Variants in PRKCE observed in about 807,000 individuals in gnomAD.
PRKCE encodes the protein protein kinase C epsilon type.
In PRKCE, 16 loss-of-function variants were observed where a neutral mutation model predicts 85.4. The observed-to-expected ratio is 0.19, with a 90% CI of 0.13 to 0.28. The LOEUF (loss-of-function observed/expected upper bound fraction) is 0.28. Ranked by LOEUF, PRKCE falls within the 10% of genes least tolerant of loss-of-function variation. The pLI, the probability that PRKCE is intolerant of heterozygous loss-of-function variation, is 1.00. For synonymous variants in PRKCE, 388 were observed against 371.5 expected, an observed-to-expected ratio of 1.04 and a Z score of -0.51; for missense variants, 573 against 975.2, an observed-to-expected ratio of 0.59 and a Z score of 5.49.
chr2:45,869,799 C>G (rs1419625455), intron 2 of PRKCE, among the ~76,000 whole-genome samples: 1 of 150,358 alleles, frequency 6.7e-6, no homozygotes, highest in African/African-American at 2.4e-5. Context: ...CGTCCACCTC[C>G]TGGGTTCAAG....
chr2:45,888,796 A>G (rs553623464), intron 2 of PRKCE, among the ~76,000 whole-genome samples: 1 of 152,302 alleles, frequency 6.6e-6, no homozygotes, highest in South Asian at 2.1e-4. Context: ...CTGTGGAGAA[A>G]AGGCTTGTCT....
intron 1 of PRKCE, among the ~76,000 whole-genome samples, chr2:45,655,536 G>A (rs1186442369): frequency 1.3e-5 from 2 of 152,266 alleles, no homozygotes; most frequent in South Asian, 2.1e-4. Context: ...GTTTAAAAAG[G>A]GAGTGTGGGC....
intron 2 of PRKCE, among the ~76,000 whole-genome samples, chr2:45,866,534 C>G (rs1693628605): frequency 1.3e-5 from 2 of 151,862 alleles, no homozygotes; most frequent in East Asian, 3.9e-4. Flanking sequence ...GTCTTGATCT[C>G]CAGACCTCGT....
chr2:46,093,591 C>T (rs1181169207), intron 11 of PRKCE, among the ~76,000 whole-genome samples: 2 of 150,032 alleles, frequency 1.3e-5, no homozygotes, highest in South Asian at 2.1e-4. Context: ...TGCAGTGTTA[C>T]AATGATAGCT....
chr2:45,770,230 T>G (rs1482319623), intron 1 of PRKCE, among the ~76,000 whole-genome samples: 1 of 152,142 alleles, frequency 6.6e-6, no homozygotes, highest in Non-Finnish European at 1.5e-5. Flanking sequence ...TGCTCTGCCC[T>G]AGGGTCAAAT....
intron 1 of PRKCE, among the ~76,000 whole-genome samples, chr2:45,795,157 C>A (rs1687334174): frequency 6.6e-6 from 1 of 152,186 alleles, no homozygotes; most frequent in East Asian, 1.9e-4. Flanking sequence ...AGGGCCCCAG[C>A]CTCACAGTTT....
intron 1 of PRKCE, among the ~76,000 whole-genome samples, chr2:45,809,067 A>T (rs946861433): frequency 4.6e-5 from 7 of 152,046 alleles, no homozygotes; most frequent in Non-Finnish European, 2.9e-5. Context: ...GCCGGTGAGG[A>T]AGCTCACTGA....
At chr2:45,947,153 G>C (rs1333622769) in intron 2 of PRKCE, among the ~76,000 whole-genome samples, 1 of 152,212 alleles carries the variant, frequency 6.6e-6, no homozygotes, top group Non-Finnish European at 1.5e-5. Context: ...AAGAAATGAA[G>C]TCTGAGACAT....
At chr2:45,729,872 G>A (rs1573097757) in intron 1 of PRKCE, among the ~76,000 whole-genome samples, 1 of 152,176 alleles carries the variant, frequency 6.6e-6, no homozygotes, top group Admixed American at 6.5e-5. Flanking sequence ...CTCAAAGCCT[G>A]GAGTGCAGTT....
At chr2:45,951,853 G>C (rs188474921) in intron 2 of PRKCE, among the ~76,000 whole-genome samples, 5 of 152,304 alleles carry the variant, frequency 3.3e-5, no homozygotes, top group Non-Finnish European at 5.9e-5. Context: ...TGTTTTTTGA[G>C]ACGGAGTCTT....
chr2:45,705,689 C>A (rs749037642), intron 1 of PRKCE, among the ~76,000 whole-genome samples: 3 of 152,186 alleles, frequency 2.0e-5, no homozygotes, highest in Non-Finnish European at 4.4e-5. Context: ...TATAATTATT[C>A]TTCTCAGCTG....
intron 10 of PRKCE, among the ~76,000 whole-genome samples, chr2:46,027,083 C>T (rs568588901): frequency 1.2e-3 from 180 of 152,172 alleles, no homozygotes; most frequent in African/African-American, 3.8e-3. Flanking sequence ...GTGGGAGGAT[C>T]GCTTGAGCCT....
chr2:46,071,626 T>C (rs1668092914), intron 10 of PRKCE, among the ~76,000 whole-genome samples: 1 of 152,206 alleles, frequency 6.6e-6, no homozygotes, highest in Non-Finnish European at 1.5e-5. Flanking sequence ...AAAACGTCCA[T>C]GGAAGGAGTG....
intron 6 of PRKCE, among the ~76,000 whole-genome samples, chr2:45,989,256 A>G (rs1703601434): frequency 2.0e-5 from 3 of 152,350 alleles, no homozygotes; most frequent in African/African-American, 7.2e-5. Flanking sequence ...CCTGGCCTGG[A>G]GATTCCTAAA....
intron 10 of PRKCE, among the ~76,000 whole-genome samples, chr2:46,080,770 C>G (rs1360978732): frequency 6.6e-6 from 1 of 152,184 alleles, no homozygotes; most frequent in Non-Finnish European, 1.5e-5. Flanking sequence ...AGCTGAACAT[C>G]TCACTGGGAA....
intron 2 of PRKCE, among the ~76,000 whole-genome samples, chr2:45,871,480 G>A (rs889157538): frequency 1.3e-5 from 2 of 152,208 alleles, no homozygotes; most frequent in African/African-American, 4.8e-5. Context: ...GCTTTCTCTT[G>A]ATGAAAATGC....
In PRKCE at chr2:45,934,524, C is replaced by A. The variant is rs151234920; in HGVS notation, c.413-41905C>A. ...ATTAGCCAGACGTGGTGGCACATGC[C>A]TGTAATTCCAGCTACTTGGGAGGCT... On this transcript the variant is annotated intron_variant, in intron 2 of 14. Coordinates refer to ENST00000306156, the MANE Select transcript of PRKCE (RefSeq NM_005400.3). Among the ~76,000 whole-genome samples the A allele has an allele frequency of 1.2e-3, 177 of 152,174 alleles. 2 individuals carry two copies. The East Asian group carries it at 0.031, about 26-fold the overall frequency.
At chr2:46,097,519 C>CAAAAAAAAA (rs66634467) in intron 11 of PRKCE, among the ~76,000 whole-genome samples, 16 of 94,118 alleles carry the variant, frequency 1.7e-4, no homozygotes, top group South Asian at 4.1e-4. Context: ...GACTCCGTCT[C>CAAAAAAAAA]AAAAAAAAAA....
At chr2:45,749,614 A>G (rs4953245) in intron 1 of PRKCE, among the ~76,000 whole-genome samples, 69,310 of 152,134 alleles carry the variant, frequency 0.46, 16,621 homozygotes, top group East Asian at 0.65. Flanking sequence ...TATAGCACAC[A>G]TAATGAAAAT....
Sources: allele counts gnomAD v4.1 joint callset (sites outside exome capture counted in the v4.1 genomes callset), GRCh38; gene constraint gnomAD v4.1.1; transcripts MANE v1.5; gene names NCBI Gene and HGNC (gene_info 2026-07-23, HGNC 2026-07-21).